Variants in MGAM2 observed in about 807,000 individuals in gnomAD.
The protein encoded by MGAM2 is probable maltase-glucoamylase 2.
A neutral mutation model predicts 96.1 loss-of-function variants in MGAM2; 98 were observed. The observed-to-expected ratio is 1.02, with a 90% CI of 0.87 to 1.21. The LOEUF is 1.21. Ranked by LOEUF, MGAM2 falls within the 50% of genes most tolerant of loss-of-function variation. MGAM2 has a pLI of 0.00. For synonymous variants in MGAM2, 749 were observed against 414.8 expected (o/e 1.81, Z -9.79); for missense variants, 2,055 against 1,182.4 (o/e 1.74, Z -10.82).
At chr7:142,146,665 G>A (rs1397477112) in intron 14 of MGAM2, among the ~76,000 whole-genome samples, 1 of 152,108 alleles carries the variant, frequency 6.6e-6, no homozygotes, top group Non-Finnish European at 1.5e-5. Context: ...ATAATTCTCA[G>A]AGGTAGGATT....
At chr7:142,192,531 T>A (rs1796901699) in intron 37 of MGAM2, among the ~76,000 whole-genome samples, 1 of 152,164 alleles carries the variant, frequency 6.6e-6, no homozygotes. Flanking sequence ...ATCCAGAAAG[T>A]CTTCATAGAA....
chr7:142,175,799 C>G lies in MGAM2; in HGVS notation c.3816+19C>G, dbSNP rs1418405471. ...CATTTTGGTATGTATTGAGACAGAT[C>G]AGATCCTACTTTCTGTTTCCATATT... On this transcript the variant is annotated intron_variant, in intron 32 of 47. Coordinates refer to ENST00000477922, the MANE Select transcript of MGAM2 (RefSeq NM_001293626.2). The G allele has an allele frequency of 5.7e-6, 4 of 699,206 alleles. No individual in the cohort carries two copies. Among genetic ancestry groups the G allele is most frequent in the African/African-American group, 5.3e-5 (3 of 57,042 alleles). 43.3% of individuals were successfully genotyped at this position (699,206 alleles called of 1,614,324 possible). A position where few individuals can be genotyped will look rare whatever the true frequency, so the allele number is the denominator to read the frequency against.
At chr7:142,117,493 A>T (rs909808953) in intron 2 of MGAM2, among the ~76,000 whole-genome samples, 3 of 152,144 alleles carry the variant, frequency 2.0e-5, no homozygotes, top group African/African-American at 7.2e-5. Flanking sequence ...CTTCTCTTTC[A>T]CGCACATATT....
chr7:142,204,876 C>G (rs745992298), intron 45 of MGAM2, among the ~76,000 whole-genome samples: 1 of 151,980 alleles, frequency 6.6e-6, no homozygotes, highest in Non-Finnish European at 1.5e-5. Flanking sequence ...GGTTGACCAG[C>G]CATCCTGAAT....
intron 7 of MGAM2, among the ~76,000 whole-genome samples, chr7:142,135,824 A>G (rs752058083): frequency 6.6e-5 from 10 of 150,772 alleles, no homozygotes; most frequent in African/African-American, 9.8e-5. Context: ...TTCTCTTTCT[A>G]TCAGTTTTAA....
At chr7:142,193,936 A>T (rs931718510) in intron 37 of MGAM2, among the ~76,000 whole-genome samples, 1 of 152,134 alleles carries the variant, frequency 6.6e-6, no homozygotes, top group East Asian at 1.9e-4. Flanking sequence ...TAGCTGTCTC[A>T]TTTATGATGT....
At position 142,173,221 on chromosome 7, in the gene MGAM2, T is replaced by C. The variant is rs1238523145; in HGVS notation, c.3562-8T>C. The C allele has an allele frequency of 1.4e-6, 1 of 702,792 alleles. No homozygotes were observed. Among genetic ancestry groups the C allele is most frequent in the African/African-American group, 1.7e-5 (1 of 57,252 alleles). 43.5% of individuals were successfully genotyped at this position (702,792 alleles called of 1,614,324 possible). A position where few individuals can be genotyped will look rare whatever the true frequency, so the allele number is the denominator to read the frequency against. Reference sequence around the variant, plus strand: ...ATCTTTCTGGATGCATTTTTCTTTTTATTCTAGTTGATTGGTCGGCCAGCA... The same window carrying C: ...ATCTTTCTGGATGCATTTTTCTTTTCATTCTAGTTGATTGGTCGGCCAGCA... On this transcript the variant is annotated splice_polypyrimidine_tract_variant and splice_region_variant and intron_variant, in intron 30 of 47. Coordinates refer to ENST00000477922, the MANE Select transcript of MGAM2 (RefSeq NM_001293626.2).
chr7:142,204,059 A>G (rs1797322935), intron 45 of MGAM2, among the ~76,000 whole-genome samples: 1 of 151,970 alleles, frequency 6.6e-6, no homozygotes. Context: ...AATATTTGTC[A>G]TCTCTTTTTT....
Position 142,221,494 on chromosome 7 carries a change from A to C in MGAM2, c.6983A>C (p.Lys2328Thr). 1.8e-6 allele frequency: 1 copy of C among 544,448 alleles called. No individual in the cohort carries two copies. Among genetic ancestry groups the C allele is most frequent in the Non-Finnish European group, 3.2e-6 (1 of 310,050 alleles). 33.7% of individuals were successfully genotyped at this position (544,448 alleles called of 1,614,324 possible). A position where few individuals can be genotyped will look rare whatever the true frequency, so the allele number is the denominator to read the frequency against. The stretch of plus-strand genomic sequence containing the variant: ...ACAAGTAATACATTCACTACTGATA[A>C]AATTACTAATTTTACTACCCCTACA... ...FPTSNTFTTDKITNFTTPTNA... is the reference protein window; with the variant it reads ...FPTSNTFTTDTITNFTTPTNA... Residue 2328 changes from lysine (K) to threonine (T), a missense_variant, in exon 48 of 48, where the codon AAA (lysine) becomes ACA (threonine). Coordinates refer to ENST00000477922, the MANE Select transcript of MGAM2 (RefSeq NM_001293626.2).
chr7:142,179,743 G>A (rs1796483169), intron 32 of MGAM2, among the ~76,000 whole-genome samples: 1 of 152,080 alleles, frequency 6.6e-6, no homozygotes, highest in Non-Finnish European at 1.5e-5. Flanking sequence ...ACTTTTTGAT[G>A]TGCTCCTGGG....
chr7:142,186,564 G>C (rs1168579654), intron 35 of MGAM2, among the ~76,000 whole-genome samples: 1 of 152,208 alleles, frequency 6.6e-6, no homozygotes. Flanking sequence ...GGCTTAAAGG[G>C]CCTGTTCAGA....
chr7:142,214,597 T>G (rs1015894022), intron 46 of MGAM2, among the ~76,000 whole-genome samples: 10 of 152,166 alleles, frequency 6.6e-5, no homozygotes, highest in African/African-American at 2.4e-4. Context: ...TTACAAGGGA[T>G]GTGAAGGACC....
intron 46 of MGAM2, among the ~76,000 whole-genome samples, chr7:142,210,124 G>A (rs949690388): frequency 1.2e-4 from 18 of 152,114 alleles, no homozygotes; most frequent in Admixed American, 2.6e-4. Context: ...TACTCCCCCC[G>A]TAGCCAAAGG....
intron 21 of MGAM2, 92 bp downstream of exon 21, chr7:142,160,350 A>G: frequency 3.4e-6 from 2 of 581,436 alleles, no homozygotes; most frequent in Middle Eastern, 2.7e-4. Flanking sequence ...TTTGTGGATG[A>G]GCCAAGGGAT....
intron 3 of MGAM2, among the ~76,000 whole-genome samples, chr7:142,130,626 G>A (rs1794856761): frequency 6.6e-6 from 1 of 152,136 alleles, no homozygotes; most frequent in South Asian, 2.1e-4. Flanking sequence ...TCAGCTCCTG[G>A]ACACACTTGG....
chr7:142,133,844 G>A (rs1002598755), intron 6 of MGAM2, 137 bp from the exon 7 acceptor site: 1 of 520,680 alleles, frequency 1.9e-6, no homozygotes, highest in Non-Finnish European at 3.4e-6. Context: ...CCCTAGAAAG[G>A]CCTTCAAAGG....
chr7:142,138,219 T>C (rs1321027117), intron 9 of MGAM2, among the ~76,000 whole-genome samples: 1 of 152,232 alleles, frequency 6.6e-6, no homozygotes, highest in Non-Finnish European at 1.5e-5. Context: ...GTTTGCTCTG[T>C]GCCACTATAT....
chr7:142,117,016 A>G, intron 2 of MGAM2, 37 bp downstream of exon 2: 1 of 702,912 alleles, frequency 1.4e-6, no homozygotes, highest in Non-Finnish European at 2.6e-6. Flanking sequence ...GGCTGGGTAA[A>G]GGAAGTCTCC....
intron 2 of MGAM2, among the ~76,000 whole-genome samples, chr7:142,118,923 G>C (rs1460256063): frequency 1.3e-5 from 2 of 152,030 alleles, no homozygotes; most frequent in East Asian, 3.9e-4. Flanking sequence ...CTGTGACCTT[G>C]GATTAGATAA....
Sources: gnomAD v4.1 joint callset for allele counts (sites outside exome capture counted in the v4.1 genomes callset) on GRCh38, gnomAD v4.1.1 for gene constraint, MANE v1.5 for transcripts, NCBI Gene and HGNC (gene_info 2026-07-23, HGNC 2026-07-21) for gene names.